MROH9: variants seen among roughly 807,000 people sequenced by gnomAD.
MROH9 encodes maestro heat like repeat family member 9.
In MROH9, 92 loss-of-function variants were observed where a neutral mutation model predicts 98.2. That is an observed-to-expected ratio of 0.94 (90% CI 0.79 to 1.11). The LOEUF (loss-of-function observed/expected upper bound fraction) is 1.11, where lower values mean the gene tolerates loss of function less well. Ranked by LOEUF, MROH9 falls within the 50% of genes most tolerant of loss-of-function variation. The probability of loss-of-function intolerance (pLI) is 0.00; values close to 1 mark genes in which losing one functional copy is unlikely to be tolerated. For synonymous variants in MROH9, 397 were observed against 368.9 expected (o/e 1.08, Z -0.87); for missense variants, 1,057 against 1,014.8 (o/e 1.04, Z -0.57).
rs746892094 is a variant in MROH9, at chr1:171,064,280, C to A, written c.2526C>A (p.Pro842=). 13 of 1,550,936 alleles carry A rather than the reference C, an allele frequency of 8.4e-6. No homozygotes were observed. The Admixed American group carries it at 1.2e-4, about 14-fold the overall frequency. Residue 842 remains proline, a synonymous_variant, in exon 22 of 22, where the codon CCC becomes CCA. Coordinates refer to ENST00000367759, the MANE Select transcript of MROH9 (RefSeq NM_001163629.2). ...AGCCTCTTTACAATTATAACTCACC[C>A]AATGGCCAGATAGACAGTCCTACAG... The part of the protein sequence containing the change: ...KLKPLYNYNS[P]NGQIDSPTDS...
intron 3 of MROH9, among the ~76,000 whole-genome samples, chr1:170,948,035 G>A (rs2101874004): frequency 1.3e-5 from 2 of 151,912 alleles, no homozygotes; most frequent in Middle Eastern, 6.8e-3. Context: ...TATTTTCTAG[G>A]CCTTTTGCAG....
rs1467653419 is a variant in MROH9, at chr1:171,010,295, C to T, written c.1597-3822C>T. Among the ~76,000 whole-genome samples, 5 of 152,190 alleles carry T rather than the reference C, an allele frequency of 3.3e-5. No individual in the cohort carries two copies. In the East Asian group the frequency reaches 9.7e-4, roughly 29 times the overall value. On this transcript the variant is annotated intron_variant, in intron 15 of 21. Coordinates refer to ENST00000367759, the MANE Select transcript of MROH9 (RefSeq NM_001163629.2). ...GAACTCATCCCTTTTTATGGTATTC[C>T]ATGGTGTATATGTGCCACATTTTCT...
chr1:170,967,824 T>C (rs1390442913), intron 7 of MROH9, among the ~76,000 whole-genome samples: 6 of 151,256 alleles, frequency 4.0e-5, no homozygotes, highest in Admixed American at 1.3e-4. Context: ...TGTCAACTTA[T>C]AGCATTAAGA....
At chr1:171,050,777 C>T (rs1162532982) in intron 20 of MROH9, among the ~76,000 whole-genome samples, 1 of 152,098 alleles carries the variant, frequency 6.6e-6, no homozygotes, top group Admixed American at 6.5e-5. Flanking sequence ...ATCTTTTCCC[C>T]ATTCAGTAAA....
intron 20 of MROH9, 74 bp from the exon 21 acceptor site, chr1:171,062,058 G>T: frequency 2.1e-6 from 2 of 933,380 alleles, no homozygotes; most frequent in Non-Finnish European, 3.3e-6. Context: ...AGCAAAGAAG[G>T]TAGCCAGATA....
At chr1:171,009,718 G>A (rs1030162616) in intron 15 of MROH9, among the ~76,000 whole-genome samples, 1 of 152,126 alleles carries the variant, frequency 6.6e-6, no homozygotes, top group Non-Finnish European at 1.5e-5. Context: ...ATTTCTAATG[G>A]TTTCTAAGTG....
rs1238926007 is a variant in MROH9, at chr1:170,995,364, T to C, written c.1195-25T>C. 1.1e-5 allele frequency: 17 copies of C among 1,612,238 alleles called. No individual in the cohort carries two copies. The African/African-American group carries it at 2.3e-4, about 22-fold the overall frequency. On this transcript the variant is annotated intron_variant, in intron 12 of 21. Coordinates refer to ENST00000367759, the MANE Select transcript of MROH9 (RefSeq NM_001163629.2). ...GTTTAGAGAAAAATGTTTACATTTC[T>C]ACCTCCTATTTCCTTCCCTTATAGG... is the stretch of plus-strand genomic sequence containing the variant.
In MROH9 at chr1:170,990,001, C is replaced by A. The variant is rs776956950; in HGVS notation, c.1026C>A (p.Asp342Glu). The A allele has an allele frequency of 1.2e-6, 2 of 1,609,380 alleles. No homozygotes were observed. Among genetic ancestry groups the A allele is most frequent in the Admixed American group, 1.7e-5 (1 of 59,760 alleles). ...TTATGGACTACCCAGTTCCAGCAGA[C>A]GAGTAAGGCCCCCCAACCCTCTGTC... ...FQLMDYPVPA[D>E]DTLIQMWKAA... The change falls in exon 11 of 22, where the codon GAC becomes GAA. Residue 342 changes from aspartate (D) to glutamate (E), a missense_variant and splice_region_variant. Transcript: ENST00000367759.
At chr1:170,955,522 T>A (rs1649724978) in intron 3 of MROH9, among the ~76,000 whole-genome samples, 1 of 152,170 alleles carries the variant, frequency 6.6e-6, no homozygotes, top group Non-Finnish European at 1.5e-5. Context: ...CTTGCAGGAG[T>A]AAGGTGGTAT....
intron 20 of MROH9, among the ~76,000 whole-genome samples, chr1:171,037,924 G>A (rs756931031): frequency 1.3e-5 from 2 of 151,784 alleles, no homozygotes; most frequent in East Asian, 1.9e-4. Context: ...TTTCTTACAC[G>A]AAACAAAATC....
chr1:170,971,892 A>C lies in MROH9; in HGVS notation c.616+9A>C, dbSNP rs10489246. 1.9e-5 allele frequency: 31 copies of C among 1,612,376 alleles called. No individual in the cohort carries two copies. The highest frequency in any genetic ancestry group is 1.2e-4 in the Admixed American group (7 of 59,950). ...TGCACGGTGTCAGAACGGTAAGAACAGTTCACCATCTTTTCTCAGGATTAC... is the reference window on the plus strand; with the variant it reads ...TGCACGGTGTCAGAACGGTAAGAACCGTTCACCATCTTTTCTCAGGATTAC... On this transcript the variant is annotated intron_variant, in intron 8 of 21. Coordinates refer to ENST00000367759, the MANE Select transcript of MROH9 (RefSeq NM_001163629.2).
chr1:170,991,676 C>G (rs906283748), intron 11 of MROH9, among the ~76,000 whole-genome samples: 1 of 152,096 alleles, frequency 6.6e-6, no homozygotes, highest in Non-Finnish European at 1.5e-5. Context: ...GACAAAATGG[C>G]TCACTCTTCT....
chr1:171,058,355 A>G (rs887349837), intron 20 of MROH9, among the ~76,000 whole-genome samples: 1 of 151,982 alleles, frequency 6.6e-6, no homozygotes, highest in Non-Finnish European at 1.5e-5. Context: ...GCAAAAAAAA[A>G]AAAAAAGGAA....
At chr1:171,055,699 A>G (rs1653818106) in intron 20 of MROH9, among the ~76,000 whole-genome samples, 1 of 151,926 alleles carries the variant, frequency 6.6e-6, no homozygotes, top group Non-Finnish European at 1.5e-5. Flanking sequence ...GGGATAAAAG[A>G]CAACATATTG....
At chr1:170,950,140 C>A (rs971926472) in intron 3 of MROH9, among the ~76,000 whole-genome samples, 1 of 152,006 alleles carries the variant, frequency 6.6e-6, no homozygotes, top group Non-Finnish European at 1.5e-5. Context: ...GTTATAAATT[C>A]ATAGATCCTG....
chr1:170,999,277 C>G (rs1337352661), intron 15 of MROH9, among the ~76,000 whole-genome samples: 1 of 152,010 alleles, frequency 6.6e-6, no homozygotes, highest in East Asian at 1.9e-4. Context: ...GAGCAGCATA[C>G]ACTGCACAAT....
At chr1:170,958,245 G>A (rs1156915393) in intron 3 of MROH9, among the ~76,000 whole-genome samples, 3 of 152,192 alleles carry the variant, frequency 2.0e-5, no homozygotes, top group Non-Finnish European at 4.4e-5. Context: ...AAGCATAGTG[G>A]TTGACTGTAA....
intron 20 of MROH9, among the ~76,000 whole-genome samples, chr1:171,049,352 G>C (rs1298814570): frequency 5.9e-5 from 9 of 152,174 alleles, no homozygotes; most frequent in African/African-American, 2.2e-4. Flanking sequence ...ATGGTGCTAA[G>C]AGGGTCTCTG....
rs548353013 is a variant in MROH9 at position 170,935,550 on chromosome 1, A to T, written c.-75A>T. On this transcript the variant is annotated 5_prime_UTR_variant, in exon 1 of 22. Transcript: ENST00000367759. The stretch of plus-strand genomic sequence containing the variant: ...TAATATACTAGAGTTTCTCTTCACT[A>T]CTTTGTCTCACCGTGATTACAGAGA... 2.0e-5 allele frequency: 3 copies of T among 152,330 alleles called. No homozygotes were observed. In the East Asian group the frequency reaches 5.8e-4, roughly 29 times the overall value. The allele number at this position is 152,330 out of a possible 1,614,324, so 9.4% of individuals were successfully genotyped here.
Sources: allele counts gnomAD v4.1 joint callset (sites outside exome capture counted in the v4.1 genomes callset), GRCh38; gene constraint gnomAD v4.1.1; transcripts MANE v1.5; gene names NCBI Gene and HGNC (gene_info 2026-07-23, HGNC 2026-07-21).